The following KLHL4 variants were observed in gnomAD, a reference collection of about 807,000 sequenced individuals.
The protein encoded by KLHL4 is kelch-like protein 4.
KLHL4 carries 17 observed loss-of-function variants against 45.8 expected under a neutral mutation model. The ratio of observed to expected loss-of-function variants is 0.37; its 90% CI spans 0.25 to 0.56. The LOEUF is 0.56. Ranked by LOEUF, KLHL4 falls within the 20% of genes least tolerant of loss-of-function variation. The pLI, the probability that KLHL4 is intolerant of heterozygous loss-of-function variation, is 0.79. For synonymous variants in KLHL4, 224 were observed against 189.9 expected (o/e 1.18, Z -1.47); for missense variants, 544 against 544.9 (o/e 1.00, Z 0.02).
chrX:87,521,496 A>C (rs1435317580), intron 1 of KLHL4, among the ~76,000 whole-genome samples: 1 of 111,709 alleles, frequency 9.0e-6, no homozygotes, highest in East Asian at 2.8e-4. Flanking sequence ...AGAGGCAATA[A>C]AAACAAACCA....
At chrX:87,640,424 A>G (rs1923413428) in intron 9 of KLHL4, among the ~76,000 whole-genome samples, 1 of 111,812 alleles carries the variant, frequency 8.9e-6, no homozygotes, top group African/African-American at 3.2e-5. Flanking sequence ...TGATGAACAT[A>G]GATGCAAAAA....
chrX:87,628,478 G>T (rs1173527633), intron 6 of KLHL4, among the ~76,000 whole-genome samples: 1 of 111,975 alleles, frequency 8.9e-6, no homozygotes, highest in Non-Finnish European at 1.9e-5. Context: ...AAAGCAGTAT[G>T]ACATTGAAAA....
At position 87,551,872 on chromosome X, in the gene KLHL4, C is replaced by A. The variant is rs141852320; in HGVS notation, c.422+33557C>A. 1.6e-4 allele frequency among the ~76,000 whole-genome samples: 18 copies of A among 111,232 alleles called. No individual in the cohort carries two copies. In the South Asian group the frequency reaches 6.7e-3, roughly 42 times the overall value. ...CACATGTTGGAGAATGAAACTGAATCCTCATCTCTCATATTCTACAAAAAT... is the reference window on the plus strand; with the variant it reads ...CACATGTTGGAGAATGAAACTGAATACTCATCTCTCATATTCTACAAAAAT... On this transcript the variant is annotated intron_variant, in intron 1 of 10. Coordinates refer to ENST00000373119, the MANE Select transcript of KLHL4 (RefSeq NM_019117.5).
chrX:87,621,704 A>C (rs770402147), intron 4 of KLHL4, among the ~76,000 whole-genome samples: 3 of 111,818 alleles, frequency 2.7e-5, no homozygotes, highest in Non-Finnish European at 5.6e-5. Context: ...CTTTTCCATA[A>C]AAGGAAAGAG....
rs1489177576 is a variant in KLHL4, at chrX:87,668,077, A to G, written c.*1543A>G. The G allele has an allele frequency of 5.4e-6, 4 of 746,898 alleles. No homozygotes were observed. Among genetic ancestry groups the G allele is most frequent in the Non-Finnish European group, 4.7e-6 (3 of 633,594 alleles). 61.6% of individuals were successfully genotyped at this position (746,898 alleles called of 1,213,427 possible). ...TACACCTGCCATTGTCTCTAATTCT[A>G]AAGAGAGAGCTATAGATTTCTGCAG... On this transcript the variant is annotated 3_prime_UTR_variant, in exon 11 of 11. Coordinates refer to ENST00000373119, the MANE Select transcript of KLHL4 (RefSeq NM_019117.5).
intron 1 of KLHL4, among the ~76,000 whole-genome samples, chrX:87,524,093 G>A (rs1170700467): frequency 8.9e-6 from 1 of 111,885 alleles, no homozygotes; most frequent in Non-Finnish European, 1.9e-5. Context: ...TGGGCCTTAA[G>A]TGTAAGCTGC....
chrX:87,603,689 T>G (rs1922091802), intron 1 of KLHL4, among the ~76,000 whole-genome samples: 1 of 111,302 alleles, frequency 9.0e-6, no homozygotes, highest in Non-Finnish European at 1.9e-5. Context: ...GATATTTATA[T>G]GCATCATACA....
chrX:87,559,195 T>G (rs1046986768), intron 1 of KLHL4, among the ~76,000 whole-genome samples: 1 of 112,246 alleles, frequency 8.9e-6, no homozygotes, highest in African/African-American at 3.2e-5. Flanking sequence ...TATAATTGTT[T>G]ATTTACCTCT....
At chrX:87,598,598 C>T (rs930708544) in intron 1 of KLHL4, among the ~76,000 whole-genome samples, 8 of 110,899 alleles carry the variant, frequency 7.2e-5, no homozygotes, top group African/African-American at 2.3e-4. Flanking sequence ...TTAATTTTTA[C>T]AAAATAATTA....
chrX:87,589,916 T>C (rs903797158), intron 1 of KLHL4, among the ~76,000 whole-genome samples: 13 of 108,564 alleles, frequency 1.2e-4, no homozygotes, highest in South Asian at 4.1e-4. Flanking sequence ...CACATGCCTG[T>C]AATCCCAGCT....
At chrX:87,665,942 A>G (rs1223291633) in intron 10 of KLHL4, among the ~76,000 whole-genome samples, 1 of 111,677 alleles carries the variant, frequency 9.0e-6, no homozygotes, top group Non-Finnish European at 1.9e-5. Flanking sequence ...CCAGAAATCG[A>G]AGGAAAAAAA....
At chrX:87,577,563 C>T (rs769588358) in intron 1 of KLHL4, among the ~76,000 whole-genome samples, 8 of 111,698 alleles carry the variant, frequency 7.2e-5, no homozygotes, top group African/African-American at 1.3e-4. Flanking sequence ...ACAATTCTGA[C>T]GTTAGATCTC....
In KLHL4 at chrX:87,576,486, G is replaced by A. The variant is rs1333125050; in HGVS notation, c.423-37391G>A. Among the ~76,000 whole-genome samples, 51 of 110,445 alleles carry A rather than the reference G, an allele frequency of 4.6e-4. No homozygotes were observed. In the Admixed American group the frequency reaches 4.6e-3, roughly 10 times the overall value. ...TGTCTTGAAATGTCACTCTAGACCT[G>A]GTAAATATGTACAATTATTGTTTCA... On this transcript the variant is annotated intron_variant, in intron 1 of 10. Coordinates refer to ENST00000373119, the MANE Select transcript of KLHL4 (RefSeq NM_019117.5).
At chrX:87,564,033 A>G (rs188557009) in intron 1 of KLHL4, among the ~76,000 whole-genome samples, 1 of 110,389 alleles carries the variant, frequency 9.1e-6, no homozygotes, top group Non-Finnish European at 1.9e-5. Context: ...AAAGGACAGA[A>G]CTCCTCCTGC....
intron 1 of KLHL4, among the ~76,000 whole-genome samples, chrX:87,594,263 A>G (rs1921765797): frequency 8.9e-6 from 1 of 111,862 alleles, no homozygotes; most frequent in Non-Finnish European, 1.9e-5. Flanking sequence ...ATATAAATGT[A>G]TGCATCCTGT....
At chrX:87,615,114 T>C (rs770200615) in intron 3 of KLHL4, among the ~76,000 whole-genome samples, 7 of 111,546 alleles carry the variant, frequency 6.3e-5, no homozygotes, top group African/African-American at 9.7e-5. Context: ...TGATTATGTA[T>C]ACTTAGGCTC....
chrX:87,542,403 G>A (rs752835384), intron 1 of KLHL4, among the ~76,000 whole-genome samples: 12 of 112,449 alleles, frequency 1.1e-4, no homozygotes, highest in Non-Finnish European at 2.1e-4. Flanking sequence ...TGGAGGCCTA[G>A]GAAGGACAAA....
intron 1 of KLHL4, among the ~76,000 whole-genome samples, chrX:87,556,098 T>C (rs1368296041): frequency 9.0e-6 from 1 of 111,274 alleles, no homozygotes; most frequent in Non-Finnish European, 1.9e-5. Flanking sequence ...TTGTTATAAT[T>C]TCTGATCTTT....
In KLHL4 at chrX:87,579,682, A is replaced by G. The variant is rs1290812506; in HGVS notation, c.423-34195A>G. On this transcript the variant is annotated intron_variant, in intron 1 of 10. Coordinates refer to ENST00000373119, the MANE Select transcript of KLHL4 (RefSeq NM_019117.5). Reference sequence around the variant, plus strand: ...TCAGGACATAAGGTAGTAGGATGATATATTCAATGTGTTGAAAGAAAATAA... The same window carrying G: ...TCAGGACATAAGGTAGTAGGATGATGTATTCAATGTGTTGAAAGAAAATAA... 2.7e-5 allele frequency among the ~76,000 whole-genome samples: 3 copies of G among 112,161 alleles called. No homozygotes were observed. In the East Asian group the frequency reaches 8.5e-4, roughly 32 times the overall value.
Sources: gnomAD v4.1 joint callset for allele counts (sites outside exome capture counted in the v4.1 genomes callset) on GRCh38, gnomAD v4.1.1 for gene constraint, MANE v1.5 for transcripts, NCBI Gene and HGNC (gene_info 2026-07-23, HGNC 2026-07-21) for gene names.